CATSPERD: variants seen among roughly 807,000 people sequenced by gnomAD.
CATSPERD encodes catsper channel auxiliary subunit delta.
A neutral mutation model predicts 98.1 loss-of-function variants in CATSPERD; 86 were observed. The ratio of observed to expected loss-of-function variants is 0.88; its 90% confidence interval spans 0.74 to 1.05. The LOEUF is 1.05. CATSPERD is among the 50% of genes least tolerant of loss of function. The pLI, the probability that CATSPERD is intolerant of heterozygous loss-of-function variation, is 0.00. For synonymous variants in CATSPERD, 394 were observed against 390.2 expected (o/e 1.01, Z -0.12); for missense variants, 995 against 1,005.7 (o/e 0.99, Z 0.14).
intron 18 of CATSPERD, among the ~76,000 whole-genome samples, chr19:5,768,841 TAA>T (rs1393032485): frequency 6.6e-6 from 1 of 151,780 alleles, no homozygotes; most frequent in African/African-American, 2.4e-5. Context: ...TGTGCTGCTT[TAA>T]AAGACTACCT....
intron 11 of CATSPERD, 42 bp downstream of exon 11, chr19:5,749,225 T>C (rs1191337007): frequency 3.5e-6 from 5 of 1,445,078 alleles, no homozygotes; most frequent in Non-Finnish European, 4.8e-6. Flanking sequence ...GGCACGGTGG[T>C]TCACGCCTGT....
rs546741881 is a variant in CATSPERD at position 5,730,973 on chromosome 19, C to A, written c.276+1029C>A. 2.9e-3 allele frequency among the ~76,000 whole-genome samples: 444 copies of A among 151,328 alleles called. 7 individuals are homozygous for A. The highest frequency in any genetic ancestry group is 2.1e-4 in the Non-Finnish European group (14 of 67,714). On this transcript the variant is annotated intron_variant, in intron 4 of 21. Coordinates refer to ENST00000381624, the MANE Select transcript of CATSPERD (RefSeq NM_152784.4). ...CCGAGATCGCGCCACTGCACTCCAA[C>A]CCCAGCTATTCGGGAGGCTGAGGCA...
intron 7 of CATSPERD, among the ~76,000 whole-genome samples, chr19:5,741,789 G>GA (rs1379588357): frequency 3.9e-5 from 4 of 101,646 alleles, no homozygotes; most frequent in East Asian, 4.7e-4. Flanking sequence ...TGAAGGCGGG[G>GA]GGGGGGGGGT....
At position 5,720,637 on chromosome 19, in the gene CATSPERD, A is replaced by C; in HGVS notation, c.-101A>C. ...GCGCGGAGGCCCGCTCCCGGGACTCATTGATGCGCATGCGCAGGGCTTCAG... is the reference window on the plus strand; with the variant it reads ...GCGCGGAGGCCCGCTCCCGGGACTCCTTGATGCGCATGCGCAGGGCTTCAG... On this transcript the variant is annotated 5_prime_UTR_variant, in exon 1 of 22. Coordinates refer to ENST00000381624, the MANE Select transcript of CATSPERD (RefSeq NM_152784.4). 8.4e-7 allele frequency: 1 copy of C among 1,192,708 alleles called. No homozygotes were observed. The highest frequency in any genetic ancestry group is 1.2e-6 in the Non-Finnish European group (1 of 833,448). 73.9% of individuals were successfully genotyped at this position (1,192,708 alleles called of 1,614,324 possible). A position where few individuals can be genotyped will look rare whatever the true frequency, so the allele number is the denominator to read the frequency against.
At chr19:5,763,732 G>A (rs563350101) in intron 16 of CATSPERD, among the ~76,000 whole-genome samples, 7 of 150,638 alleles carry the variant, frequency 4.6e-5, no homozygotes, top group South Asian at 2.1e-4. Context: ...TGATCTGCCC[G>A]CCTTGGTCTC....
At chr19:5,729,666 A>G (rs1168864488) in intron 3 of CATSPERD, among the ~76,000 whole-genome samples, 1 of 152,222 alleles carries the variant, frequency 6.6e-6, no homozygotes, top group Non-Finnish European at 1.5e-5. Flanking sequence ...TATTTGATGT[A>G]TTCACACATT....
At chr19:5,756,470 A>T (rs2056326014) in intron 13 of CATSPERD, among the ~76,000 whole-genome samples, 1 of 152,188 alleles carries the variant, frequency 6.6e-6, no homozygotes, top group Non-Finnish European at 1.5e-5. Flanking sequence ...GGGTAAATTC[A>T]TCCACATGTA....
chr19:5,776,510 T>C (rs986247016), intron 21 of CATSPERD, among the ~76,000 whole-genome samples, 195 bp downstream of exon 21: 2 of 152,208 alleles, frequency 1.3e-5, no homozygotes, highest in Non-Finnish European at 1.5e-5. Flanking sequence ...TTCAGAGTCC[T>C]GCACTGAGTG....
chr19:5,727,125 G>C, intron 2 of CATSPERD, 143 bp from the exon 3 acceptor site: 1 of 562,130 alleles, frequency 1.8e-6, no homozygotes, highest in Admixed American at 2.9e-5. Context: ...AACCTGGGAG[G>C]CGGAGCTTGC....
At chr19:5,778,290 G>A (rs2056768651) in intron 21 of CATSPERD, 86 bp from the exon 22 acceptor site, 1 of 1,218,828 alleles carries the variant, frequency 8.2e-7, no homozygotes, top group Admixed American at 2.0e-5. Flanking sequence ...TCTCCCTCCT[G>A]TGGGTCTGAA....
At chr19:5,748,981 C>T (rs1350217310) in intron 10 of CATSPERD, 120 bp from the exon 11 acceptor site, 21 of 669,496 alleles carry the variant, frequency 3.1e-5, no homozygotes, top group Non-Finnish European at 4.3e-5. Context: ...CCACCCCCCT[C>T]GGCCTCTCAA....
intron 2 of CATSPERD, among the ~76,000 whole-genome samples, chr19:5,725,919 A>C (rs2055596002): frequency 6.6e-6 from 1 of 152,128 alleles, no homozygotes. Flanking sequence ...AAATGGTGTC[A>C]GCATTTTGAA....
intron 5 of CATSPERD, 45 bp from the exon 6 acceptor site, chr19:5,737,093 C>A: frequency 7.4e-7 from 1 of 1,345,132 alleles, no homozygotes; most frequent in Non-Finnish European, 1.1e-6. Flanking sequence ...TTTCTCCAAA[C>A]TTCAGGGAAC....
chr19:5,744,982 A>T (rs1336900662), intron 8 of CATSPERD, among the ~76,000 whole-genome samples: 1 of 151,894 alleles, frequency 6.6e-6, no homozygotes, highest in Non-Finnish European at 1.5e-5. Flanking sequence ...TCACTGTGTC[A>T]CCCAGGCTGG....
chr19:5,757,309 T>C (rs2056341903), intron 13 of CATSPERD, among the ~76,000 whole-genome samples: 1 of 151,630 alleles, frequency 6.6e-6, no homozygotes, highest in Admixed American at 6.6e-5. Context: ...TTTTTTTTTT[T>C]TTTTTGAGAC....
chr19:5,734,026 A>C, intron 5 of CATSPERD, 56 bp downstream of exon 5: 1 of 1,031,906 alleles, frequency 9.7e-7, no homozygotes, highest in Non-Finnish European at 1.5e-6. Flanking sequence ...ATGAGAGAAG[A>C]GGGTATTAGT....
chr19:5,751,661 C>T lies in CATSPERD; in HGVS notation c.1002C>T (p.Tyr334=), dbSNP rs190219368. 691 of 1,575,686 alleles carry T rather than the reference C, an allele frequency of 4.4e-4. 2 individuals are homozygous for T. The highest frequency in any genetic ancestry group is 8.0e-5 in the Non-Finnish European group (92 of 1,156,750). ...PSSIIKFADQ[Y]IWSEDVALMF... ...TTTCTTCTTAGTTTGCAGACCAATA[C>T]ATCTGGTCAGAAGACGTGGCCCTGA... is the stretch of plus-strand genomic sequence containing the variant. The change falls in exon 12 of 22, where the codon TAC becomes TAT. Residue 334 remains tyrosine (Y), a synonymous_variant. Coordinates refer to ENST00000381624, the MANE Select transcript of CATSPERD (RefSeq NM_152784.4).
At chr19:5,735,477 ATT>A (rs533041006) in intron 5 of CATSPERD, among the ~76,000 whole-genome samples, 171 of 140,400 alleles carry the variant, frequency 1.2e-3, no homozygotes, top group Admixed American at 1.1e-3. Context: ...CGCCCAGCTA[ATT>A]TTTTTTTTTT....
intron 9 of CATSPERD, among the ~76,000 whole-genome samples, chr19:5,747,914 A>G (rs1248859169): frequency 6.6e-6 from 1 of 152,078 alleles, no homozygotes; most frequent in African/African-American, 2.4e-5. Flanking sequence ...GCCTGGCAGA[A>G]GGGTTAGGTT....
Sources: allele counts gnomAD v4.1 joint callset (sites outside exome capture counted in the v4.1 genomes callset), GRCh38; gene constraint gnomAD v4.1.1; transcripts MANE v1.5; gene names NCBI Gene and HGNC (gene_info 2026-07-23, HGNC 2026-07-21).